The following DLGAP2 variants were observed in gnomAD, a reference collection of about 807,000 sequenced individuals.
DLGAP2 encodes the protein DLG associated protein 2, also known as disks large-associated protein 2.
A neutral mutation model predicts 100.3 loss-of-function variants in DLGAP2; 26 were observed. The observed-to-expected ratio is 0.26, with a 90% CI of 0.19 to 0.36. DLGAP2 has a LOEUF of 0.36. DLGAP2 is among the 10% of genes least tolerant of loss of function. The pLI is 1.00. For synonymous variants in DLGAP2, 886 were observed against 630.1 expected, an observed-to-expected ratio of 1.41 and a Z score of -6.08; for missense variants, 1,858 against 1,453.2, an observed-to-expected ratio of 1.28 and a Z score of -4.53.
intron 2 of DLGAP2, among the ~76,000 whole-genome samples, chr8:1,190,106 C>T (rs1045180721): frequency 2.6e-5 from 4 of 152,186 alleles, no homozygotes; most frequent in Non-Finnish European, 5.9e-5. Flanking sequence ...TGGACTCTTA[C>T]TGCTAATAAT....
chr8:1,701,147 C>G, intron 14 of DLGAP2, 41 bp from the exon 15 acceptor site: 2 of 1,536,888 alleles, frequency 1.3e-6, no homozygotes, highest in South Asian at 1.2e-5. Flanking sequence ...CTGGGACCCT[C>G]CTCCGAGCAC....
intron 1 of DLGAP2, among the ~76,000 whole-genome samples, chr8:786,461 G>A (rs1396050223): frequency 6.6e-6 from 1 of 152,158 alleles, no homozygotes; most frequent in Non-Finnish European, 1.5e-5. Flanking sequence ...AGAAACGGCA[G>A]CAAGTTTTGA....
chr8:1,667,249 C>G (rs1445748796), intron 8 of DLGAP2, among the ~76,000 whole-genome samples: 2 of 152,206 alleles, frequency 1.3e-5, no homozygotes, highest in Admixed American at 6.5e-5. Flanking sequence ...TAAGTTATAG[C>G]CTGAGTCCAG....
rs550248396 is a variant in DLGAP2 at position 895,134 on chromosome 8, G to C, written c.19-12778G>C. On this transcript the variant is annotated intron_variant, in intron 1 of 14. Transcript: ENST00000637795. Reference sequence around the variant, plus strand: ...CTGCAGTTAATAATAACACAGAGCTGCATATTTCAGAACAGCCAGAAGAGG... The same window carrying C: ...CTGCAGTTAATAATAACACAGAGCTCCATATTTCAGAACAGCCAGAAGAGG... Among the ~76,000 whole-genome samples the C allele has an allele frequency of 2.4e-4, 36 of 151,934 alleles. No homozygotes were observed. In the South Asian group the frequency reaches 5.4e-3, roughly 23 times the overall value.
intron 3 of DLGAP2, among the ~76,000 whole-genome samples, chr8:1,261,437 TG>T (rs1033093425): frequency 1.3e-5 from 2 of 150,780 alleles, no homozygotes; most frequent in African/African-American, 4.9e-5. Flanking sequence ...CGAGACAGAC[TG>T]GGAGGGCAGG....
At chr8:1,173,455 C>A (rs1188119147) in intron 2 of DLGAP2, among the ~76,000 whole-genome samples, 1 of 152,208 alleles carries the variant, frequency 6.6e-6, no homozygotes, top group Non-Finnish European at 1.5e-5. Context: ...CTACTGCTGT[C>A]TTTTTGTTTG....
At chr8:878,848 G>A (rs144008963) in intron 1 of DLGAP2, among the ~76,000 whole-genome samples, 27 of 152,180 alleles carry the variant, frequency 1.8e-4, no homozygotes, top group Non-Finnish European at 2.2e-4. Context: ...CAGAAGCCAT[G>A]GGCACCATGC....
chr8:1,347,393 G>T (rs987547283), intron 3 of DLGAP2, among the ~76,000 whole-genome samples: 2 of 151,684 alleles, frequency 1.3e-5, no homozygotes, highest in Non-Finnish European at 1.5e-5. Context: ...TGGTAGCTGT[G>T]TGGAGGTTCA....
intron 3 of DLGAP2, among the ~76,000 whole-genome samples, chr8:1,453,466 G>A (rs1344886920): frequency 6.6e-6 from 1 of 152,132 alleles, no homozygotes; most frequent in Admixed American, 6.5e-5. Context: ...CAGAGAGAAC[G>A]GAGTGTATGC....
chr8:1,456,479 G>C (rs1798315727), intron 3 of DLGAP2, among the ~76,000 whole-genome samples: 1 of 152,158 alleles, frequency 6.6e-6, no homozygotes, highest in African/African-American at 2.4e-5. Flanking sequence ...AGCGGATCAA[G>C]AATCTGCTGA....
At chr8:1,222,788 G>A (rs572668304) in intron 2 of DLGAP2, among the ~76,000 whole-genome samples, 46 of 152,198 alleles carry the variant, frequency 3.0e-4, no homozygotes, top group Admixed American at 7.9e-4. Flanking sequence ...TGAGAGCCTT[G>A]GCAGCTGTTG....
At chr8:1,342,473 C>G (rs11782106) in intron 3 of DLGAP2, among the ~76,000 whole-genome samples, 28 of 152,044 alleles carry the variant, frequency 1.8e-4, no homozygotes, top group African/African-American at 6.0e-4. Context: ...CACAGTTCAG[C>G]TAACTTTTTC....
intron 4 of DLGAP2, among the ~76,000 whole-genome samples, chr8:1,525,198 T>TC (rs1800752269): frequency 6.6e-6 from 1 of 150,736 alleles, no homozygotes; most frequent in South Asian, 2.1e-4. Context: ...TGTCTTTTTT[T>TC]TTTTTTTTTT....
intron 3 of DLGAP2, among the ~76,000 whole-genome samples, chr8:1,432,815 G>A (rs73532668): frequency 0.017 from 2,521 of 152,304 alleles, 79 homozygotes; most frequent in African/African-American, 0.058. Context: ...CAGGTTCAGC[G>A]GGAGTCGCCT....
chr8:948,604 T>C (rs1799393447), intron 2 of DLGAP2, among the ~76,000 whole-genome samples: 1 of 152,246 alleles, frequency 6.6e-6, no homozygotes, highest in South Asian at 2.1e-4. Context: ...AGTGGGTTCC[T>C]CAAGGCGCCG....
intron 6 of DLGAP2, among the ~76,000 whole-genome samples, chr8:1,619,461 G>A (rs1259519022): frequency 6.6e-6 from 1 of 152,062 alleles, no homozygotes; most frequent in Non-Finnish European, 1.5e-5. Flanking sequence ...ATATTTTTCT[G>A]TTTCATTTCT....
At chr8:1,695,289 G>A (rs569421764) in intron 13 of DLGAP2, among the ~76,000 whole-genome samples, 18 of 150,726 alleles carry the variant, frequency 1.2e-4, no homozygotes, top group Non-Finnish European at 2.4e-4. Context: ...CAGAAAGAGG[G>A]GGCACAGTCA....
rs73670784 is a variant in DLGAP2 at position 1,357,416 on chromosome 8, G to A, written c.106+98533G>A. On this transcript the variant is annotated intron_variant, in intron 3 of 14. Transcript: ENST00000637795. Reference sequence around the variant, plus strand: ...GGTGCCAAATCTTTTTTTTTTTTTTGTAGCTTTTTATTATTAAAACAGTCA... The same window carrying A: ...GGTGCCAAATCTTTTTTTTTTTTTTATAGCTTTTTATTATTAAAACAGTCA... Among the ~76,000 whole-genome samples, 3 of 81,118 alleles carry A rather than the reference G, an allele frequency of 3.7e-5. No individual in the cohort carries two copies. The South Asian group carries it at 1.2e-3, about 31-fold the overall frequency. The allele number at this position is 81,118 out of a possible 152,430, so 53.2% of individuals were successfully genotyped here. A position where few individuals can be genotyped will look rare whatever the true frequency, so the allele number is the denominator to read the frequency against.
intron 2 of DLGAP2, among the ~76,000 whole-genome samples, chr8:1,206,240 G>A (rs1181638410): frequency 2.0e-5 from 3 of 152,180 alleles, no homozygotes; most frequent in African/African-American, 2.4e-5. Context: ...TCTTGGCCAC[G>A]CACCACTGGG....
Sources: allele counts gnomAD v4.1 joint callset (sites outside exome capture counted in the v4.1 genomes callset), GRCh38; gene constraint gnomAD v4.1.1; transcripts MANE v1.5; gene names NCBI Gene and HGNC (gene_info 2026-07-23, HGNC 2026-07-21).